SHANK2: variants seen among roughly 807,000 people sequenced by gnomAD.
The protein encoded by SHANK2 is SH3 and multiple ankyrin repeat domains protein 2.
A neutral mutation model predicts 133.7 loss-of-function variants in SHANK2; 43 were observed. The ratio of observed to expected loss-of-function variants is 0.32; its 90% CI spans 0.25 to 0.41. The LOEUF is 0.41. Among genes scored for constraint, SHANK2 ranks in the 10% least tolerant of loss-of-function variants. The probability of loss-of-function intolerance (pLI) is 1.00; values close to 1 mark genes in which losing one functional copy is unlikely to be tolerated. For synonymous variants in SHANK2, 1,017 were observed against 952.8 expected, an observed-to-expected ratio of 1.07 and a Z score of -1.24; for missense variants, 1,994 against 2,235.8, an observed-to-expected ratio of 0.89 and a Z score of 2.18.
At chr11:70,947,353 ATTTT>A (rs71049955) in intron 10 of SHANK2, among the ~76,000 whole-genome samples, 1 of 133,086 alleles carries the variant, frequency 7.5e-6, no homozygotes, top group South Asian at 2.5e-4. Flanking sequence ...TGACATCTAC[ATTTT>A]TTTTTTTTTT....
At chr11:70,601,872 G>C (rs561175497) in intron 17 of SHANK2, among the ~76,000 whole-genome samples, 1 of 152,362 alleles carries the variant, frequency 6.6e-6, no homozygotes, top group African/African-American at 2.4e-5. Context: ...TGCCAGGTCT[G>C]AACCAGAACA....
At chr11:70,675,340 T>C (rs1471219026) in intron 15 of SHANK2, among the ~76,000 whole-genome samples, 5 of 152,190 alleles carry the variant, frequency 3.3e-5, no homozygotes, top group African/African-American at 4.8e-5. Flanking sequence ...GTTTAACTAA[T>C]TGAATCCTCA....
At chr11:71,134,741 A>G (rs1202571044) in intron 3 of SHANK2, among the ~76,000 whole-genome samples, 2 of 151,992 alleles carry the variant, frequency 1.3e-5, no homozygotes, top group Non-Finnish European at 2.9e-5. Flanking sequence ...AACTGCAAAG[A>G]CGCAGGCCTC....
At chr11:70,495,221 G>T (rs1264380810) in intron 21 of SHANK2, among the ~76,000 whole-genome samples, 1 of 152,172 alleles carries the variant, frequency 6.6e-6, no homozygotes, top group Non-Finnish European at 1.5e-5. Context: ...CAACCTCCCT[G>T]GGCTGCACGG....
At chr11:71,193,912 A>G (rs1953844480) in intron 2 of SHANK2, among the ~76,000 whole-genome samples, 1 of 152,178 alleles carries the variant, frequency 6.6e-6, no homozygotes, top group Admixed American at 6.5e-5. Flanking sequence ...TACTGGCCTC[A>G]TTTAACTTGA....
In SHANK2 at chr11:70,661,838, G is replaced by A. The variant is rs879957126; in HGVS notation, c.1854-160C>T. On this transcript the variant is annotated intron_variant, in intron 15 of 25. Coordinates refer to ENST00000601538, the MANE Select transcript of SHANK2 (RefSeq NM_012309.5). ...AAAGGAGGCAGCGAGGGTGCAGGAG[G>A]AGCGAAGGAAGAGGGGGGTGGCTAC... 6 of 1,603,436 alleles carry A rather than the reference G, an allele frequency of 3.7e-6. No individual in the cohort carries two copies. In the South Asian group the frequency reaches 6.6e-5, roughly 18 times the overall value.
intron 14 of SHANK2, among the ~76,000 whole-genome samples, chr11:70,736,826 C>CATCT (rs1392974776): frequency 4.6e-5 from 7 of 152,202 alleles, no homozygotes; most frequent in Non-Finnish European, 7.3e-5. Context: ...AGGACAGCAC[C>CATCT]ATCTCCCTGG....
intron 2 of SHANK2, among the ~76,000 whole-genome samples, chr11:71,159,667 A>G (rs1952971531): frequency 6.6e-6 from 1 of 152,182 alleles, no homozygotes; most frequent in African/African-American, 2.4e-5. Flanking sequence ...AAAAGTTAAG[A>G]CTTCCATCAG....
intron 17 of SHANK2, among the ~76,000 whole-genome samples, chr11:70,632,514 C>G (rs192853778): frequency 2.0e-5 from 3 of 152,252 alleles, no homozygotes; most frequent in Admixed American, 2.0e-4. Context: ...TCTGGTTCAA[C>G]CAGAGGCTCC....
At chr11:70,718,700 C>CTTTTTTTTTTTTTTTTTT (rs60414874) in intron 14 of SHANK2, among the ~76,000 whole-genome samples, 2 of 129,782 alleles carry the variant, frequency 1.5e-5, no homozygotes, top group Admixed American at 7.6e-5. Context: ...AGCTCATTCT[C>CTTTTTTTTTTTTTTTTTT]TTTTTTTTTT....
chr11:71,085,475 A>T (rs1951366348), intron 8 of SHANK2, among the ~76,000 whole-genome samples: 2 of 123,350 alleles, frequency 1.6e-5, no homozygotes, highest in Non-Finnish European at 3.2e-5. Context: ...TATATATATA[A>T]TATATATGTT....
At chr11:70,792,315 C>CCAAA (rs1375167344) in intron 14 of SHANK2, among the ~76,000 whole-genome samples, 4 of 151,264 alleles carry the variant, frequency 2.6e-5, no homozygotes, top group African/African-American at 9.7e-5. Context: ...AACCAACCAA[C>CCAAA]CAACCAACCA....
In SHANK2 at chr11:70,596,149, G is replaced by A. The variant is rs529807076; in HGVS notation, c.2061+63679C>T. Among the ~76,000 whole-genome samples the A allele has an allele frequency of 3.7e-4, 56 of 152,316 alleles. 1 individual carries two copies. Among genetic ancestry groups the A allele is most frequent in the African/African-American group, 1.2e-3 (51 of 41,572 alleles). ...GAGCTGCAGGAGGATCAATCTCTGC[G>A]GTGCTGAGCTGTCCTGCGTGTGGTG... is the stretch of plus-strand genomic sequence containing the variant. On this transcript the variant is annotated intron_variant, in intron 17 of 25. Coordinates refer to ENST00000601538, the MANE Select transcript of SHANK2 (RefSeq NM_012309.5).
chr11:71,227,577 G>A (rs2135752533), intron 1 of SHANK2, among the ~76,000 whole-genome samples: 1 of 151,728 alleles, frequency 6.6e-6, no homozygotes, highest in South Asian at 2.1e-4. Context: ...AAAATGGATA[G>A]AACTGAAGAA....
In SHANK2 at chr11:70,739,716, G is replaced by A. The variant is rs1327295323; in HGVS notation, c.1778-40953C>T. 1.3e-5 allele frequency among the ~76,000 whole-genome samples: 2 copies of A among 152,206 alleles called. No homozygotes were observed. Among genetic ancestry groups the A allele is most frequent in the African/African-American group, 4.8e-5 (2 of 41,446 alleles). ...CTGAAAGCCTAACCCCTGCTCCTCAGAATGTGACTGTATTTGGAGATAAGG... is the reference window on the plus strand; with the variant it reads ...CTGAAAGCCTAACCCCTGCTCCTCAAAATGTGACTGTATTTGGAGATAAGG... On this transcript the variant is annotated intron_variant, in intron 14 of 25. Transcript: ENST00000601538. The surrounding 1 kb of genome is among the most constrained non-coding windows in gnomAD (Gnocchi z 4.3).
intron 14 of SHANK2, among the ~76,000 whole-genome samples, chr11:70,784,375 T>TTTTTTA (rs1947599358): frequency 1.4e-5 from 2 of 143,204 alleles, no homozygotes; most frequent in Non-Finnish European, 1.5e-5. Flanking sequence ...TTTTTTTTTT[T>TTTTTTA]AAGTAGCGAC....
At chr11:70,582,922 G>C (rs1361509352) in intron 17 of SHANK2, among the ~76,000 whole-genome samples, 1 of 152,208 alleles carries the variant, frequency 6.6e-6, no homozygotes, top group Non-Finnish European at 1.5e-5. Context: ...GGTGAGGTCT[G>C]AGAAGCCCCA....
In SHANK2 at chr11:70,827,776, A is replaced by G. The variant is rs560414789; in HGVS notation, c.1175-7094T>C. 6.6e-5 allele frequency among the ~76,000 whole-genome samples: 10 copies of G among 151,926 alleles called. No homozygotes were observed. In the South Asian group the frequency reaches 2.1e-3, roughly 32 times the overall value. On this transcript the variant is annotated intron_variant, in intron 11 of 25. Coordinates refer to ENST00000601538, the MANE Select transcript of SHANK2 (RefSeq NM_012309.5). ...ACGAGGAAAAAGCAACCAGAGCACT[A>G]AAGTTTAATTCCATATGGTTGACAC...
At chr11:70,491,910 C>T (rs184591011) in intron 22 of SHANK2, among the ~76,000 whole-genome samples, 11 of 152,292 alleles carry the variant, frequency 7.2e-5, no homozygotes, top group Non-Finnish European at 1.0e-4. Context: ...ACAAGTGTTG[C>T]CCAGGATCTC....
Sources: gnomAD v4.1 joint callset for allele counts (sites outside exome capture counted in the v4.1 genomes callset) on GRCh38, gnomAD v4.1.1 for gene constraint, Gnocchi (gnomAD v3.1) non-coding constraint, MANE v1.5 for transcripts, NCBI Gene and HGNC (gene_info 2026-07-23, HGNC 2026-07-21) for gene names.